Variants in PLAUR observed in about 807,000 individuals in gnomAD.
PLAUR encodes the protein plasminogen activator, urokinase receptor, also known as urokinase plasminogen activator surface receptor.
PLAUR carries 22 observed loss-of-function variants against 33.4 expected under a neutral mutation model. That is an observed-to-expected ratio of 0.66 (90% confidence interval 0.47 to 0.94). The LOEUF (loss-of-function observed/expected upper bound fraction) is 0.94, where lower values mean the gene tolerates loss of function less well. PLAUR is among the 40% of genes least tolerant of loss of function. The pLI, the probability that PLAUR is intolerant of heterozygous loss-of-function variation, is 0.00. For missense variants in PLAUR, 408 were observed against 434.7 expected, an observed-to-expected ratio of 0.94 and a Z score of 0.55; for synonymous variants, 148 against 167.3, an observed-to-expected ratio of 0.88 and a Z score of 0.89.
At position 43,652,391 on chromosome 19, in the gene PLAUR, C is replaced by T. The variant is rs1307776686; in HGVS notation, c.608-20G>A. 3.1e-6 allele frequency: 5 copies of T among 1,610,166 alleles called. No individual in the cohort carries two copies. In the African/African-American group the frequency reaches 6.7e-5, roughly 22 times the overall value. Reference sequence around the variant, plus strand: ...CCAGGACTTAGGAGAAGACCAGAGACACAGAGACCAAGAAAATTAGTGCTT... The same window carrying T: ...CCAGGACTTAGGAGAAGACCAGAGATACAGAGACCAAGAAAATTAGTGCTT... On this transcript the variant is annotated intron_variant, in intron 5 of 6. Transcript: ENST00000340093.
Position 43,670,001 on chromosome 19 carries a change from G to A in PLAUR, c.55+65C>T. The A allele has an allele frequency of 2.0e-6, 3 of 1,495,060 alleles. No individual in the cohort carries two copies. The Admixed American group carries it at 5.4e-5, about 27-fold the overall frequency. 92.6% of individuals were successfully genotyped at this position (1,495,060 alleles called of 1,614,324 possible). ...ACCGCATTCCTCCAACTCATCCTCT[G>A]ACAACCCCCAACCCCCTCAATTAGA... On this transcript the variant is annotated intron_variant, in intron 1 of 6. Transcript: ENST00000340093.
At chr19:43,648,274 G>C (rs4251927), downstream of PLAUR, among the ~76,000 whole-genome samples, 18,155 of 151,848 alleles carry the variant, frequency 0.12, 2,072 homozygotes, top group African/African-American at 0.3. Flanking sequence ...CTCCCGGATT[G>C]ACGCCATTCT....
At chr19:43,658,532 A>G (rs1371894037) in intron 3 of PLAUR, among the ~76,000 whole-genome samples, 1 of 152,244 alleles carries the variant, frequency 6.6e-6, no homozygotes, top group Non-Finnish European at 1.5e-5. Flanking sequence ...CACTTGACTG[A>G]TTCCTGATCA....
rs1368634721 is a variant in PLAUR at position 43,668,759 on chromosome 19, T to C, written c.56-1068A>G. Among the ~76,000 whole-genome samples the C allele has an allele frequency of 4.7e-5, 7 of 147,584 alleles. No individual in the cohort carries two copies. The Admixed American group carries it at 4.8e-4, about 10-fold the overall frequency. Reference sequence around the variant, plus strand: ...CAAGAGTCTAGTCCCACCTTCTAGCTCCTCCCGAGGTTATAACTCCGCCCT... The same window carrying C: ...CAAGAGTCTAGTCCCACCTTCTAGCCCCTCCCGAGGTTATAACTCCGCCCT... On this transcript the variant is annotated intron_variant, in intron 1 of 6. Transcript: ENST00000340093.
intron 5 of PLAUR, 25 bp downstream of exon 5, chr19:43,655,414 C>T: frequency 6.2e-7 from 1 of 1,612,822 alleles, no homozygotes. Context: ...GACCCCAGGC[C>T]TTGCCTGTGT....
chr19:43,655,298 AAG>A, intron 5 of PLAUR, 139 bp downstream of exon 5: 9 of 701,554 alleles, frequency 1.3e-5, no homozygotes, highest in South Asian at 2.1e-5. Flanking sequence ...AAAAAAAAAA[AAG>A]GCCTGATACT....
At chr19:43,668,839 G>A (rs1269310611) in intron 1 of PLAUR, among the ~76,000 whole-genome samples, 2 of 149,428 alleles carry the variant, frequency 1.3e-5, no homozygotes, top group Non-Finnish European at 3.0e-5. Flanking sequence ...CGAGGTTCTA[G>A]CCCCGCTCCT....
At chr19:43,663,354 G>C (rs899329398) in intron 3 of PLAUR, among the ~76,000 whole-genome samples, 44 of 126,634 alleles carry the variant, frequency 3.5e-4, no homozygotes, top group Non-Finnish European at 1.8e-4. Flanking sequence ...CACACACACA[G>C]GACTGTGAGT....
rs4251923 is a variant in PLAUR at position 43,648,851 on chromosome 19, C to A, written c.*39G>T. Reference sequence around the variant, plus strand: ...GGAGCCGAGGGAAGGGCAAAGGGGTCCCCCGGATCCAGCCAGGGCAGAGAG... The same window carrying A: ...GGAGCCGAGGGAAGGGCAAAGGGGTACCCCGGATCCAGCCAGGGCAGAGAG... On this transcript the variant is annotated 3_prime_UTR_variant, in exon 7 of 7. Transcript: ENST00000340093. 29 of 1,587,168 alleles carry A rather than the reference C, an allele frequency of 1.8e-5. No individual in the cohort carries two copies. The highest frequency in any genetic ancestry group is 2.1e-4 in the Middle Eastern group (1 of 4,716).
chr19:43,646,923 G>A (rs1973835299), downstream of PLAUR, among the ~76,000 whole-genome samples: 1 of 150,896 alleles, frequency 6.6e-6, no homozygotes, highest in Non-Finnish European at 1.5e-5. Context: ...TGGAGTTACA[G>A]GCACCCACCA....
chr19:43,667,805 AT>A, intron 1 of PLAUR, 114 bp from the exon 2 acceptor site: 2 of 1,490,042 alleles, frequency 1.3e-6, no homozygotes, highest in Non-Finnish European at 1.8e-6. Flanking sequence ...GTCCATTCAG[AT>A]TCGTGTCCAT....
At chr19:43,655,105 C>T (rs1482205423) in intron 5 of PLAUR, among the ~76,000 whole-genome samples, 2 of 151,830 alleles carry the variant, frequency 1.3e-5, no homozygotes, top group Admixed American at 6.6e-5. Flanking sequence ...GTGAAACCCC[C>T]ATCTCTACTA....
intron 3 of PLAUR, chr19:43,656,920 G>T: frequency 3.7e-6 from 1 of 271,222 alleles, no homozygotes; most frequent in Non-Finnish European, 6.9e-6. Context: ...ATCTCCACAT[G>T]GCCCTAGAAA....
At chr19:43,668,980 G>A (rs1967400632) in intron 1 of PLAUR, among the ~76,000 whole-genome samples, 1 of 151,848 alleles carries the variant, frequency 6.6e-6, no homozygotes, top group African/African-American at 2.4e-5. Flanking sequence ...CCCTAGGCCC[G>A]GTCCCCGACC....
intron 3 of PLAUR, among the ~76,000 whole-genome samples, chr19:43,662,035 A>C (rs4251842): frequency 0.058 from 8,827 of 152,118 alleles, 325 homozygotes; most frequent in Middle Eastern, 0.12. Flanking sequence ...CCTAGCCTGA[A>C]TAGCTCTTAA....
chr19:43,666,543 TTC>T (rs890793710), intron 2 of PLAUR, among the ~76,000 whole-genome samples: 9 of 140,746 alleles, frequency 6.4e-5, no homozygotes, highest in South Asian at 2.6e-4. Context: ...CTCTCTCTCT[TTC>T]TCTCTCTCTC....
rs767000628 is a variant in PLAUR, at chr19:43,667,832, G to A, written c.56-141C>T. On this transcript the variant is annotated intron_variant, in intron 1 of 6. Coordinates refer to ENST00000340093, the MANE Select transcript of PLAUR (RefSeq NM_002659.4). ...TCGTGTCCATGTTCTGCTGGGTTCC[G>A]GCCGGCGGTACTTCCAGTCTGTCCG... 24 of 1,461,270 alleles carry A rather than the reference G, an allele frequency of 1.6e-5. No individual in the cohort carries two copies. In the African/African-American group the frequency reaches 3.1e-4, roughly 19 times the overall value. 90.5% of individuals were successfully genotyped at this position (1,461,270 alleles called of 1,614,324 possible). A position where few individuals can be genotyped will look rare whatever the true frequency, so the allele number is the denominator to read the frequency against.
chr19:43,656,820 A>G (rs1401153370), intron 3 of PLAUR, 180 bp from the exon 4 acceptor site: 7 of 558,232 alleles, frequency 1.3e-5, no homozygotes, highest in Admixed American at 1.0e-4. Context: ...AGCCCCATGG[A>G]CCAGTCCAGC....
At chr19:43,664,353 G>A (rs1010279232) in intron 3 of PLAUR, among the ~76,000 whole-genome samples, 1 of 152,198 alleles carries the variant, frequency 6.6e-6, no homozygotes, top group Non-Finnish European at 1.5e-5. Context: ...GGTCCAGAAA[G>A]AGGAATCTCT....
Sources: gnomAD v4.1 joint callset for allele counts (sites outside exome capture counted in the v4.1 genomes callset) on GRCh38, gnomAD v4.1.1 for gene constraint, MANE v1.5 for transcripts, NCBI Gene and HGNC (gene_info 2026-07-23, HGNC 2026-07-21) for gene names.